TTC6: variants seen among roughly 807,000 people sequenced by gnomAD.
TTC6 encodes tetratricopeptide repeat domain 6.
Under a neutral mutation model 210.4 loss-of-function variants are expected in TTC6, and 172 were observed. The ratio of observed to expected loss-of-function variants is 0.82; its 90% confidence interval spans 0.72 to 0.93. The LOEUF (loss-of-function observed/expected upper bound fraction) is 0.93. Among genes scored for constraint, TTC6 ranks in the 40% least tolerant of loss-of-function variants. The pLI, the probability that TTC6 is intolerant of heterozygous loss-of-function variation, is 0.00. For missense variants in TTC6, 2,414 were observed against 2,318.1 expected, an observed-to-expected ratio of 1.04 and a Z score of -0.85; for synonymous variants, 804 against 819.6, an observed-to-expected ratio of 0.98 and a Z score of 0.32.
At chr14:37,814,236 G>A (rs1007895738) in intron 25 of TTC6, among the ~76,000 whole-genome samples, 34 of 151,992 alleles carry the variant, frequency 2.2e-4, no homozygotes, top group African/African-American at 7.5e-4. Flanking sequence ...ATGCCACCCT[G>A]GCCTTTTCTT....
At chr14:37,674,861 C>T (rs952457560) in intron 1 of TTC6, among the ~76,000 whole-genome samples, 5 of 152,058 alleles carry the variant, frequency 3.3e-5, no homozygotes, top group African/African-American at 1.2e-4. Context: ...TATTTTTTTA[C>T]ATTACATGTC....
intron 7 of TTC6, among the ~76,000 whole-genome samples, chr14:37,725,403 G>A (rs2095871039): frequency 7.0e-6 from 1 of 143,106 alleles, no homozygotes; most frequent in Middle Eastern, 3.8e-3. Flanking sequence ...CAGGCTGGAG[G>A]GCAATGGTGC....
At chr14:37,823,058 A>G (rs950833676) in intron 26 of TTC6, among the ~76,000 whole-genome samples, 3 of 152,186 alleles carry the variant, frequency 2.0e-5, no homozygotes, top group Non-Finnish European at 4.4e-5. Flanking sequence ...AAATATTATT[A>G]TTAGATATGC....
At chr14:37,607,012 G>C (rs1324170621) in intron 2 of TTC6, among the ~76,000 whole-genome samples, 1 of 152,314 alleles carries the variant, frequency 6.6e-6, no homozygotes, top group African/African-American at 2.4e-5. Flanking sequence ...ATAGTATCAA[G>C]TTTTTTTGAC....
chr14:37,645,751 G>C (rs1228392392), intron 1 of TTC6, among the ~76,000 whole-genome samples: 1 of 152,096 alleles, frequency 6.6e-6, no homozygotes, highest in Non-Finnish European at 1.5e-5. Context: ...TCTTTGAATG[G>C]GGAGTATGGT....
rs1468180481 is a variant in TTC6, at chr14:37,598,731, G to A, written c.-235+2723G>A. 2.0e-5 allele frequency among the ~76,000 whole-genome samples: 3 copies of A among 152,146 alleles called. No individual in the cohort carries two copies. Among genetic ancestry groups the A allele is most frequent in the South Asian group, 4.1e-4 (2 of 4,832 alleles). ...AGGGTCCTTCCTATTTAGCAGGACCGCAGGGTTGGCAGACAGCAGGGCCTG... is the reference window on the plus strand; with the variant it reads ...AGGGTCCTTCCTATTTAGCAGGACCACAGGGTTGGCAGACAGCAGGGCCTG... On this transcript the variant is annotated intron_variant, in intron 1 of 2. Coordinates refer to the TTC6 transcript ENST00000556845. This position sits in a 1 kb window ranked among gnomAD's most constrained non-coding sequence, Gnocchi z 4.9.
chr14:37,816,664 A>G (rs2096142670), intron 25 of TTC6, among the ~76,000 whole-genome samples: 1 of 152,204 alleles, frequency 6.6e-6, no homozygotes, highest in South Asian at 2.1e-4. Flanking sequence ...CCTATATTAT[A>G]GCAATCAGTA....
At chr14:37,685,616 G>T (rs562876211) in intron 3 of TTC6, among the ~76,000 whole-genome samples, 3 of 152,318 alleles carry the variant, frequency 2.0e-5, no homozygotes, top group East Asian at 1.9e-4. Context: ...CTTATGCTTT[G>T]TGTCTTTTAA....
chr14:37,839,995 C>T (rs1343510588), intron 29 of TTC6, among the ~76,000 whole-genome samples: 1 of 152,130 alleles, frequency 6.6e-6, no homozygotes, highest in African/African-American at 2.4e-5. Flanking sequence ...CTGTTCTGTT[C>T]CATTGGTGTA....
intron 29 of TTC6, among the ~76,000 whole-genome samples, chr14:37,833,070 AG>A (rs2096189806): frequency 6.6e-6 from 1 of 151,278 alleles, no homozygotes; most frequent in Non-Finnish European, 1.5e-5. Flanking sequence ...AAAAAAAAAA[AG>A]AATGAGTATT....
At chr14:37,745,870 A>C (rs2095934476) in intron 10 of TTC6, among the ~76,000 whole-genome samples, 1 of 152,140 alleles carries the variant, frequency 6.6e-6, no homozygotes, top group South Asian at 2.1e-4. Context: ...CCTTCCTGTT[A>C]AGAGAGGTTT....
In TTC6 at chr14:37,794,536, C is replaced by T. The variant is rs78924190; in HGVS notation, c.3709-734C>T. Among the ~76,000 whole-genome samples, 644 of 150,874 alleles carry T rather than the reference C, an allele frequency of 4.3e-3. 6 individuals are homozygous for T. Among genetic ancestry groups the T allele is most frequent in the African/African-American group, 0.015 (609 of 40,268 alleles). Reference sequence around the variant, plus strand: ...CAAAGTTGTACAAATTCAGTTTCTGCGACCAGTATTAAGGGAATAATTAAT... The same window carrying T: ...CAAAGTTGTACAAATTCAGTTTCTGTGACCAGTATTAAGGGAATAATTAAT... On this transcript the variant is annotated intron_variant, in intron 17 of 30. Coordinates refer to ENST00000553443, the Ensembl canonical transcript of TTC6.
At chr14:37,721,590 G>A (rs2095861836) in intron 6 of TTC6, among the ~76,000 whole-genome samples, 1 of 151,398 alleles carries the variant, frequency 6.6e-6, no homozygotes, top group African/African-American at 2.4e-5. Context: ...CAATAAACAT[G>A]GTTTGATGTT....
chr14:37,841,634 A>G, exon 30 of TTC6: 1 of 1,604,774 alleles, frequency 6.2e-7, no homozygotes, highest in Non-Finnish European at 8.5e-7. Flanking sequence ...CTACTGCTTA[A>G]AGCAATATGA....
At chr14:37,601,293 AT>A (rs578202810) in intron 1 of TTC6, among the ~76,000 whole-genome samples, 6 of 151,822 alleles carry the variant, frequency 4.0e-5, no homozygotes, top group South Asian at 2.1e-4. Context: ...TTTATTTTTC[AT>A]TTTTTTTCTC....
intron 1 of TTC6, among the ~76,000 whole-genome samples, chr14:37,651,397 ATATATATATATATATATATATATATATAT>A (rs2095710988): frequency 5.7e-5 from 1 of 17,628 alleles, no homozygotes; most frequent in Non-Finnish European, 9.5e-5. Flanking sequence ...TTATATATAT[ATATATATATATATATATATATATATATAT>A]TTTTTTTTTT....
chr14:37,816,694 A>G (rs1217581878), intron 25 of TTC6, among the ~76,000 whole-genome samples: 1 of 152,194 alleles, frequency 6.6e-6, no homozygotes, highest in Non-Finnish European at 1.5e-5. Flanking sequence ...TACATCTCAT[A>G]TATAAAATGT....
intron 17 of TTC6, 132 bp from the exon 20 acceptor site, chr14:37,795,138 G>T: frequency 4.1e-6 from 2 of 486,256 alleles, no homozygotes; most frequent in South Asian, 4.3e-5. Flanking sequence ...TTGCTTTGTA[G>T]ATTCTTAAGA....
intron 26 of TTC6, among the ~76,000 whole-genome samples, chr14:37,820,508 C>T (rs1394279518): frequency 6.6e-6 from 1 of 152,144 alleles, no homozygotes; most frequent in Admixed American, 6.5e-5. Context: ...ATACAGAAGG[C>T]AAGATTGTAT....
Sources: allele counts gnomAD v4.1 joint callset (sites outside exome capture counted in the v4.1 genomes callset), GRCh38; gene constraint gnomAD v4.1.1; non-coding constraint Gnocchi (gnomAD v3.1); transcripts MANE v1.5; gene names NCBI Gene and HGNC (gene_info 2026-07-23, HGNC 2026-07-21).